VPS13B: variants seen among roughly 807,000 people sequenced by gnomAD.
VPS13B encodes intermembrane lipid transfer protein VPS13B.
VPS13B carries 285 observed loss-of-function variants against 426.4 expected under a neutral mutation model. That is an observed-to-expected ratio of 0.67 (90% CI 0.61 to 0.74). The LOEUF (loss-of-function observed/expected upper bound fraction) is 0.74. Among genes scored for constraint, VPS13B ranks in the 30% least tolerant of loss-of-function variants. VPS13B has a pLI of 0.00. For missense variants in VPS13B, 4,537 were observed against 4,782.6 expected, an observed-to-expected ratio of 0.95 and a Z score of 1.51; for synonymous variants, 1,676 against 1,676.4, an observed-to-expected ratio of 1.00 and a Z score of 0.01.
At chr8:99,856,512 G>C (rs988100066) in intron 56 of VPS13B, among the ~76,000 whole-genome samples, 2 of 152,220 alleles carry the variant, frequency 1.3e-5, no homozygotes, top group Non-Finnish European at 2.9e-5. Flanking sequence ...CTCATTTCTA[G>C]GGAAGTTGTG....
At chr8:99,433,140 T>C (rs542145505) in intron 22 of VPS13B, among the ~76,000 whole-genome samples, 1 of 152,248 alleles carries the variant, frequency 6.6e-6, no homozygotes, top group African/African-American at 2.4e-5. Flanking sequence ...TTCTCTCCTG[T>C]AGCTGTAGCT....
intron 44 of VPS13B, among the ~76,000 whole-genome samples, chr8:99,813,364 C>A (rs895383795): frequency 2.0e-5 from 3 of 152,184 alleles, no homozygotes; most frequent in Non-Finnish European, 4.4e-5. Context: ...CAGCCAAATT[C>A]TCTTCTAAAT....
At chr8:99,619,006 C>T (rs191390756) in intron 33 of VPS13B, among the ~76,000 whole-genome samples, 8 of 152,230 alleles carry the variant, frequency 5.3e-5, no homozygotes, top group Non-Finnish European at 1.2e-4. Context: ...CTGCTTTCCT[C>T]ATGGTGGTGT....
At chr8:99,511,041 T>A in intron 28 of VPS13B, 63 bp from the exon 29 acceptor site, 2 of 1,583,642 alleles carry the variant, frequency 1.3e-6, no homozygotes, top group Non-Finnish European at 1.7e-6. Context: ...TTTTCTTCTT[T>A]CCAATTTTTA....
chr8:99,047,160 A>AC (rs1269767000), intron 3 of VPS13B, among the ~76,000 whole-genome samples: 2 of 151,834 alleles, frequency 1.3e-5, no homozygotes, highest in African/African-American at 4.8e-5. Context: ...ATGGTCCTGG[A>AC]CTTTTTTTTG....
chr8:99,745,587 T>C (rs1473663341), intron 39 of VPS13B, among the ~76,000 whole-genome samples: 1 of 152,122 alleles, frequency 6.6e-6, no homozygotes, highest in African/African-American at 2.4e-5. Context: ...ATATAGTGTG[T>C]ATATATACAG....
chr8:99,561,307 G>C (rs912419935), intron 31 of VPS13B, among the ~76,000 whole-genome samples: 4 of 152,118 alleles, frequency 2.6e-5, no homozygotes, highest in Non-Finnish European at 5.9e-5. Flanking sequence ...AGAATCATAT[G>C]ATATGTGACC....
At chr8:99,685,657 C>T (rs189953390) in intron 35 of VPS13B, among the ~76,000 whole-genome samples, 1 of 152,276 alleles carries the variant, frequency 6.6e-6, no homozygotes, top group African/African-American at 2.4e-5. Context: ...TTCAGTATAT[C>T]AGTTGCATTT....
chr8:99,188,916 G>A (rs1279429617), intron 16 of VPS13B, among the ~76,000 whole-genome samples: 2 of 152,100 alleles, frequency 1.3e-5, no homozygotes, highest in Non-Finnish European at 2.9e-5. Flanking sequence ...AAATTGGGCT[G>A]TGTATCTTGT....
At chr8:99,352,081 A>G (rs1324476258) in intron 19 of VPS13B, among the ~76,000 whole-genome samples, 2 of 152,218 alleles carry the variant, frequency 1.3e-5, no homozygotes, top group Non-Finnish European at 2.9e-5. Context: ...CTTGTGTTAT[A>G]TTAAATGGAT....
At chr8:99,826,338 AATGGGAGTTCACTC>A (rs1202378491) in intron 51 of VPS13B, among the ~76,000 whole-genome samples, 1 of 152,178 alleles carries the variant, frequency 6.6e-6, no homozygotes, top group Non-Finnish European at 1.5e-5. Flanking sequence ...AGCAATTGTG[AATGGGAGTTCACTC>A]ATGATTTGGC....
chr8:99,473,604 A>G (rs1336148105), intron 24 of VPS13B, among the ~76,000 whole-genome samples: 1 of 152,172 alleles, frequency 6.6e-6, no homozygotes, highest in African/African-American at 2.4e-5. Context: ...AAGATCAGGA[A>G]AAAGTCCAGG....
At chr8:99,072,146 G>A (rs1000364758) in intron 3 of VPS13B, among the ~76,000 whole-genome samples, 1 of 152,054 alleles carries the variant, frequency 6.6e-6, no homozygotes, top group Non-Finnish European at 1.5e-5. Flanking sequence ...AGCAGGAGGA[G>A]CCTCTCCTTG....
intron 19 of VPS13B, among the ~76,000 whole-genome samples, chr8:99,307,954 C>T (rs891764477): frequency 6.6e-6 from 1 of 151,968 alleles, no homozygotes; most frequent in Non-Finnish European, 1.5e-5. Context: ...GTTGTGTTTT[C>T]ATTTTCATTT....
At chr8:99,406,472 T>A (rs1815338832) in intron 21 of VPS13B, among the ~76,000 whole-genome samples, 1 of 152,240 alleles carries the variant, frequency 6.6e-6, no homozygotes, top group Non-Finnish European at 1.5e-5. Context: ...CTATAACTTT[T>A]CATATCTGTT....
At chr8:99,333,500 C>T (rs1374538784) in intron 19 of VPS13B, among the ~76,000 whole-genome samples, 3 of 151,746 alleles carry the variant, frequency 2.0e-5, no homozygotes, top group East Asian at 1.9e-4. Flanking sequence ...CAGATTTCCC[C>T]TGCTTTACTG....
intron 17 of VPS13B, among the ~76,000 whole-genome samples, chr8:99,266,105 A>G (rs909614455): frequency 7.2e-5 from 11 of 152,154 alleles, no homozygotes; most frequent in African/African-American, 1.2e-4. Flanking sequence ...CATCATAACT[A>G]CAGAAGTGAT....
intron 16 of VPS13B, among the ~76,000 whole-genome samples, chr8:99,180,117 G>A (rs1812867385): frequency 6.6e-6 from 1 of 151,978 alleles, no homozygotes; most frequent in Non-Finnish European, 1.5e-5. Flanking sequence ...TTAAGTAGAT[G>A]AATTGTCTGT....
intron 19 of VPS13B, among the ~76,000 whole-genome samples, chr8:99,307,368 T>C (rs1820698235): frequency 6.6e-6 from 1 of 152,032 alleles, no homozygotes; most frequent in Non-Finnish European, 1.5e-5. Flanking sequence ...TTACAACTTG[T>C]ACAGTTATAT....
Sources: gnomAD v4.1 joint callset for allele counts (sites outside exome capture counted in the v4.1 genomes callset) on GRCh38, gnomAD v4.1.1 for gene constraint, MANE v1.5 for transcripts, NCBI Gene and HGNC (gene_info 2026-07-23, HGNC 2026-07-21) for gene names.